DAB1: variants seen among roughly 807,000 people sequenced by gnomAD.
DAB1 encodes DAB adaptor protein 1.
A neutral mutation model predicts 64.6 loss-of-function variants in DAB1; 15 were observed. The ratio of observed to expected loss-of-function variants is 0.23; its 90% CI spans 0.16 to 0.36. DAB1 has a LOEUF of 0.36. DAB1 is among the 10% of genes least tolerant of loss of function. The pLI is 1.00. For synonymous variants in DAB1, 235 were observed against 251.9 expected, an observed-to-expected ratio of 0.93 and a Z score of 0.64; for missense variants, 596 against 706.7, an observed-to-expected ratio of 0.84 and a Z score of 1.78.
At chr1:58,443,760 A>G (rs1009821861) in intron 3 of DAB1, among the ~76,000 whole-genome samples, 2 of 152,242 alleles carry the variant, frequency 1.3e-5, no homozygotes, top group African/African-American at 4.8e-5. Flanking sequence ...TAATACTTGT[A>G]TAAATAAATA....
chr1:58,499,863 A>G (rs2100402177), intron 3 of DAB1, among the ~76,000 whole-genome samples: 1 of 152,302 alleles, frequency 6.6e-6, no homozygotes, highest in Non-Finnish European at 1.5e-5. Flanking sequence ...TAAAGTATTT[A>G]TGAAACAACT....
intron 5 of DAB1, 83 bp downstream of exon 5, chr1:57,072,200 G>T: frequency 6.9e-7 from 1 of 1,439,828 alleles, no homozygotes; most frequent in Non-Finnish European, 9.6e-7. Flanking sequence ...ATCTGAGAGT[G>T]GGCCCTCAAA....
intron 7 of DAB1, among the ~76,000 whole-genome samples, chr1:57,625,348 C>T (rs1188286654): frequency 6.6e-6 from 1 of 152,042 alleles, no homozygotes; most frequent in African/African-American, 2.4e-5. Context: ...CCTCATGCCC[C>T]ATCTCCCCCC....
chr1:58,479,743 G>A (rs966581191), intron 3 of DAB1, among the ~76,000 whole-genome samples: 38 of 152,150 alleles, frequency 2.5e-4, no homozygotes, highest in African/African-American at 8.9e-4. Context: ...AGATATCTGA[G>A]AGTTGTAAAA....
At chr1:57,988,431 G>A (rs775369044) in intron 5 of DAB1, among the ~76,000 whole-genome samples, 5 of 152,172 alleles carry the variant, frequency 3.3e-5, no homozygotes, top group Admixed American at 6.5e-5. Flanking sequence ...TTGGGGATTC[G>A]AAGGTTTCAA....
chr1:57,075,614 T>C (rs1411965508), intron 4 of DAB1, among the ~76,000 whole-genome samples: 2 of 152,228 alleles, frequency 1.3e-5, no homozygotes, highest in Non-Finnish European at 2.9e-5. Flanking sequence ...TAGAGTATCA[T>C]GCAAATTCTT....
At chr1:57,942,913 G>C (rs1284792405) in intron 5 of DAB1, among the ~76,000 whole-genome samples, 1 of 152,172 alleles carries the variant, frequency 6.6e-6, no homozygotes, top group Non-Finnish European at 1.5e-5. Context: ...ACACCTTGTA[G>C]TTATGGCCTA....
chr1:57,041,070 A>C (rs1239674167), intron 9 of DAB1, among the ~76,000 whole-genome samples: 1 of 152,238 alleles, frequency 6.6e-6, no homozygotes, highest in Non-Finnish European at 1.5e-5. Context: ...ATGCAGAGCA[A>C]ATCAGAGGAA....
intron 2 of DAB1, among the ~76,000 whole-genome samples, chr1:57,258,436 C>T (rs1023844979): frequency 6.6e-6 from 1 of 152,104 alleles, no homozygotes; most frequent in Admixed American, 6.5e-5. Flanking sequence ...TTCCAGAGGA[C>T]AGATGTGTCC....
chr1:57,017,504 T>TA (rs1646472545), intron 11 of DAB1, among the ~76,000 whole-genome samples: 1 of 152,194 alleles, frequency 6.6e-6, no homozygotes, highest in Non-Finnish European at 1.5e-5. Context: ...ATCTGACTGA[T>TA]ACAGGCTAGA....
intron 7 of DAB1, among the ~76,000 whole-genome samples, chr1:57,545,591 C>T (rs1449171551): frequency 6.6e-6 from 1 of 152,202 alleles, no homozygotes; most frequent in Non-Finnish European, 1.5e-5. Flanking sequence ...GCCTGTCACA[C>T]TATCATGTAT....
chr1:58,147,223 C>T (rs375415728), intron 5 of DAB1, among the ~76,000 whole-genome samples: 1 of 149,526 alleles, frequency 6.7e-6, no homozygotes, highest in East Asian at 2.0e-4. Context: ...AGGAGAATCA[C>T]TTGAGCCTGG....
At chr1:58,176,719 C>T (rs551977613) in intron 4 of DAB1, among the ~76,000 whole-genome samples, 14 of 152,312 alleles carry the variant, frequency 9.2e-5, no homozygotes, top group African/African-American at 2.6e-4. Context: ...GTGGCTCACA[C>T]CTGTAATTCC....
chr1:58,028,676 T>C (rs1557616448), intron 5 of DAB1, among the ~76,000 whole-genome samples: 1 of 152,226 alleles, frequency 6.6e-6, no homozygotes, highest in Non-Finnish European at 1.5e-5. Context: ...TGCCATTTTG[T>C]GTATGTCTGT....
intron 2 of DAB1, among the ~76,000 whole-genome samples, chr1:57,196,032 G>A (rs1407970851): frequency 6.6e-6 from 1 of 152,154 alleles, no homozygotes; most frequent in Non-Finnish European, 1.5e-5. Flanking sequence ...AGGATGGGGT[G>A]GTGATGGGGA....
intron 7 of DAB1, among the ~76,000 whole-genome samples, chr1:57,635,101 A>G (rs1306770544): frequency 1.3e-5 from 2 of 152,270 alleles, no homozygotes; most frequent in East Asian, 1.9e-4. Flanking sequence ...GGAGGTGAGG[A>G]CAGTGTGCCA....
intron 3 of DAB1, among the ~76,000 whole-genome samples, chr1:58,409,082 C>G (rs929502862): frequency 6.6e-6 from 1 of 152,204 alleles, no homozygotes; most frequent in Non-Finnish European, 1.5e-5. Context: ...GCTATGTACT[C>G]TATATACAGC....
chr1:58,290,480 G>C (rs1661791072), intron 4 of DAB1, among the ~76,000 whole-genome samples: 2 of 152,084 alleles, frequency 1.3e-5, no homozygotes, highest in African/African-American at 4.8e-5. Context: ...GAAGGTAAAG[G>C]TAGAGAAGTA....
At chr1:57,553,442 G>GAAAGAAAGAAATAA (rs59263518) in intron 7 of DAB1, among the ~76,000 whole-genome samples, 1 of 68,154 alleles carries the variant, frequency 1.5e-5, no homozygotes, top group Non-Finnish European at 2.8e-5. Flanking sequence ...AAGAAAGAAA[G>GAAAGAAAGAAATAA]AGAAAGAAAG....
Sources: gnomAD v4.1 joint callset for allele counts (sites outside exome capture counted in the v4.1 genomes callset) on GRCh38, gnomAD v4.1.1 for gene constraint, MANE v1.5 for transcripts, NCBI Gene and HGNC (gene_info 2026-07-23, HGNC 2026-07-21) for gene names.